Variants in PCSK5 observed in about 807,000 individuals in gnomAD.
PCSK5 encodes the protein proprotein convertase subtilisin/kexin type 5.
In PCSK5, 129 loss-of-function variants were observed where a neutral mutation model predicts 233.2. The observed-to-expected ratio is 0.55, with a 90% CI of 0.48 to 0.64. The LOEUF (loss-of-function observed/expected upper bound fraction) is 0.64. Ranked by LOEUF, PCSK5 falls within the 30% of genes least tolerant of loss-of-function variation. The pLI is 0.00. For missense variants in PCSK5, 2,076 were observed against 2,430.1 expected, an observed-to-expected ratio of 0.85 and a Z score of 3.06; for synonymous variants, 825 against 879.2, an observed-to-expected ratio of 0.94 and a Z score of 1.09.
At chr9:76,108,918 A>T (rs141215888) in intron 9 of PCSK5, among the ~76,000 whole-genome samples, 147 of 152,282 alleles carry the variant, frequency 9.7e-4, no homozygotes, top group Middle Eastern at 6.8e-3. Flanking sequence ...AAACCGGGGG[A>T]AGGACATGGG....
intron 2 of PCSK5, among the ~76,000 whole-genome samples, chr9:75,942,907 T>G (rs1824383521): frequency 7.5e-6 from 1 of 133,892 alleles, no homozygotes; most frequent in African/African-American, 2.8e-5. Flanking sequence ...TTTTTTGAGA[T>G]GGAGTCTTGC....
chr9:76,209,918 G>A (rs1364775474), intron 20 of PCSK5, among the ~76,000 whole-genome samples: 1 of 152,146 alleles, frequency 6.6e-6, no homozygotes, highest in African/African-American at 2.4e-5. Context: ...TCTTCACAGA[G>A]GAGGCTACTT....
chr9:76,155,768 T>C (rs951133106), intron 10 of PCSK5, among the ~76,000 whole-genome samples: 3 of 152,232 alleles, frequency 2.0e-5, no homozygotes, highest in African/African-American at 2.4e-5. Flanking sequence ...GACTATTTCA[T>C]TGGTCAGAGA....
chr9:76,094,858 C>T (rs1432366194), intron 7 of PCSK5, among the ~76,000 whole-genome samples: 2 of 152,164 alleles, frequency 1.3e-5, no homozygotes, highest in African/African-American at 4.8e-5. Context: ...GATCTGCTCA[C>T]CTCAGCCTCC....
At chr9:76,102,737 G>A (rs1831815190) in intron 8 of PCSK5, among the ~76,000 whole-genome samples, 1 of 152,162 alleles carries the variant, frequency 6.6e-6, no homozygotes, top group Non-Finnish European at 1.5e-5. Flanking sequence ...CATAATTTTT[G>A]TAGGTTGACT....
At chr9:76,334,654 C>T (rs769305347) in intron 34 of PCSK5, among the ~76,000 whole-genome samples, 18 of 152,136 alleles carry the variant, frequency 1.2e-4, no homozygotes, top group Admixed American at 2.6e-4. Context: ...TTGCTTGAAC[C>T]CAGGAGGCCA....
intron 22 of PCSK5, among the ~76,000 whole-genome samples, chr9:76,234,749 C>G (rs1481289023): frequency 6.6e-6 from 1 of 152,142 alleles, no homozygotes; most frequent in Non-Finnish European, 1.5e-5. Flanking sequence ...GCATTTAGAA[C>G]AGGGCTAGCC....
chr9:76,293,922 C>A lies in PCSK5; in HGVS notation c.3186-1353C>A, dbSNP rs181084623. ...CCTTACAATAGACATTGTTGCTGGG[C>A]GTGTTGGCTCACGCCTGTAATCCCA... On this transcript the variant is annotated intron_variant, in intron 25 of 37. Transcript: ENST00000674117. Among the ~76,000 whole-genome samples the A allele has an allele frequency of 2.5e-3, 384 of 152,332 alleles. 9 individuals carry two copies. Among genetic ancestry groups the A allele is most frequent in the Non-Finnish European group, 3.7e-4 (25 of 68,030 alleles).
intron 1 of PCSK5, among the ~76,000 whole-genome samples, chr9:75,902,700 C>A (rs1826094474): frequency 6.6e-6 from 1 of 152,160 alleles, no homozygotes; most frequent in Non-Finnish European, 1.5e-5. Context: ...GGATTCCAAG[C>A]AATTTGTGCT....
intron 3 of PCSK5, among the ~76,000 whole-genome samples, chr9:75,986,854 C>T (rs1334997738): frequency 6.6e-6 from 1 of 152,170 alleles, no homozygotes; most frequent in East Asian, 1.9e-4. Context: ...CACCAGTTTA[C>T]TTGGCATGGC....
chr9:76,329,930 C>T (rs1829479050), intron 33 of PCSK5, among the ~76,000 whole-genome samples: 2 of 152,064 alleles, frequency 1.3e-5, no homozygotes, highest in South Asian at 4.2e-4. Context: ...GCATGCTTGG[C>T]CAGCATACTT....
chr9:76,264,332 T>C (rs1009851654), intron 24 of PCSK5, among the ~76,000 whole-genome samples: 6 of 152,152 alleles, frequency 3.9e-5, no homozygotes, highest in Admixed American at 6.6e-5. Context: ...GATTTAAGTG[T>C]TAGACTTCAA....
At chr9:75,992,872 G>C (rs984983905) in intron 3 of PCSK5, among the ~76,000 whole-genome samples, 1 of 152,082 alleles carries the variant, frequency 6.6e-6, no homozygotes, top group African/African-American at 2.4e-5. Context: ...CATATTTGTC[G>C]ATCAGCAGAG....
intron 1 of PCSK5, among the ~76,000 whole-genome samples, chr9:75,910,365 A>C (rs1266890232): frequency 3.9e-5 from 6 of 152,228 alleles, no homozygotes; most frequent in Non-Finnish European, 8.8e-5. Context: ...GAAGCCACTT[A>C]TTAGTTATTT....
At chr9:76,338,558 T>A (rs771082613) in intron 35 of PCSK5, 111 bp downstream of exon 35, 4 of 712,172 alleles carry the variant, frequency 5.6e-6, no homozygotes, top group African/African-American at 1.8e-5. Context: ...CTTGCTTCCC[T>A]ACCTCGTGTG....
At position 76,020,178 on chromosome 9, in the gene PCSK5, T is replaced by C. The variant is rs144184325; in HGVS notation, c.412-3560T>C. Among the ~76,000 whole-genome samples the C allele has an allele frequency of 9.7e-3, 1,483 of 152,306 alleles. 27 individuals carry two copies. Among genetic ancestry groups the C allele is most frequent in the African/African-American group, 0.034 (1,412 of 41,558 alleles). ...ATGTATGAGGGAATCATGGCTAATATGTGTTCCGTTTGCCTCTGGGTGCTG... is the reference window on the plus strand; with the variant it reads ...ATGTATGAGGGAATCATGGCTAATACGTGTTCCGTTTGCCTCTGGGTGCTG... On this transcript the variant is annotated intron_variant, in intron 3 of 37. Coordinates refer to ENST00000674117, the MANE Select transcript of PCSK5 (RefSeq NM_001372043.1).
intron 10 of PCSK5, 89 bp from the exon 11 acceptor site, chr9:76,156,956 A>G: frequency 1.2e-6 from 1 of 814,882 alleles, no homozygotes; most frequent in South Asian, 1.4e-5. Flanking sequence ...CTAGGATCCC[A>G]TAGGGTGGTG....
chr9:76,197,746 C>T (rs1222291178), intron 20 of PCSK5, among the ~76,000 whole-genome samples: 1 of 152,140 alleles, frequency 6.6e-6, no homozygotes, highest in African/African-American at 2.4e-5. Context: ...AGAGGTGGAA[C>T]AGAGGACAGC....
chr9:76,132,091 A>G (rs1319677183), intron 9 of PCSK5, among the ~76,000 whole-genome samples: 4 of 152,192 alleles, frequency 2.6e-5, no homozygotes, highest in Admixed American at 2.0e-4. Context: ...AGGACATACC[A>G]TCTTAGGCAG....
Sources: gnomAD v4.1 joint callset for allele counts (sites outside exome capture counted in the v4.1 genomes callset) on GRCh38, gnomAD v4.1.1 for gene constraint, MANE v1.5 for transcripts, NCBI Gene and HGNC (gene_info 2026-07-23, HGNC 2026-07-21) for gene names.